The following FBXW8 variants were observed in gnomAD, a reference collection of about 807,000 sequenced individuals.
The protein encoded by FBXW8 is F-box and WD repeat domain containing 8.
FBXW8 carries 57 observed loss-of-function variants against 65.3 expected under a neutral mutation model. The ratio of observed to expected loss-of-function variants is 0.87; its 90% CI spans 0.71 to 1.09. The LOEUF (loss-of-function observed/expected upper bound fraction) is 1.09. Among genes scored for constraint, FBXW8 ranks in the 50% least tolerant of loss-of-function variants. The pLI is 0.00. For synonymous variants in FBXW8, 308 were observed against 330.2 expected (o/e 0.93, Z 0.73); for missense variants, 777 against 814.8 (o/e 0.95, Z 0.57).
At chr12:117,020,898 A>T (rs996727014) in intron 8 of FBXW8, among the ~76,000 whole-genome samples, 2 of 152,232 alleles carry the variant, frequency 1.3e-5, no homozygotes, top group African/African-American at 2.4e-5. Context: ...AACTGTCAAC[A>T]TGTTGTCTGA....
intron 1 of FBXW8, among the ~76,000 whole-genome samples, chr12:116,923,807 G>A (rs893124427): frequency 2.0e-5 from 3 of 152,062 alleles, no homozygotes; most frequent in Non-Finnish European, 4.4e-5. Flanking sequence ...TGCAAGCTCC[G>A]CCTCCCAAGT....
chr12:116,953,551 C>G lies in FBXW8; in HGVS notation c.677+3845C>G, dbSNP rs928615805. 2.6e-5 allele frequency among the ~76,000 whole-genome samples: 4 copies of G among 151,810 alleles called. No individual in the cohort carries two copies. The East Asian group carries it at 7.8e-4, about 30-fold the overall frequency. ...CTTTGGGAGGCCGAGGCGGGCGGAT[C>G]ACAAGGTCAGGAGATCGAGACCATC... On this transcript the variant is annotated intron_variant, in intron 4 of 10. Coordinates refer to ENST00000652555, the MANE Select transcript of FBXW8 (RefSeq NM_153348.3).
rs138020987 is a variant in FBXW8 at position 117,024,244 on chromosome 12, G to A, written c.1465G>A (p.Val489Ile). 1.2e-4 allele frequency: 196 copies of A among 1,614,088 alleles called. No homozygotes were observed. Among genetic ancestry groups the A allele is most frequent in the Non-Finnish European group, 1.6e-4 (187 of 1,180,048 alleles). Residue 489 changes from valine to isoleucine, a missense_variant, in exon 9 of 11, where the codon GTC (valine) becomes ATC (isoleucine). Coordinates refer to ENST00000652555, the MANE Select transcript of FBXW8 (RefSeq NM_153348.3). ...SAVQMDDWKI[V>I]SGGEEGLVSV... ...TGTGCAGATGGATGACTGGAAGATC[G>A]TCAGTGGAGGCGAGGAAGGCCTGGT...
intron 7 of FBXW8, among the ~76,000 whole-genome samples, chr12:117,000,219 G>A (rs1451732325): frequency 6.6e-6 from 1 of 152,036 alleles, no homozygotes; most frequent in Non-Finnish European, 1.5e-5. Context: ...CTCATGATCC[G>A]CCCACCTCGG....
intron 8 of FBXW8, among the ~76,000 whole-genome samples, chr12:117,023,339 C>T (rs976116054): frequency 6.6e-5 from 10 of 152,074 alleles, no homozygotes; most frequent in South Asian, 2.1e-4. Context: ...TTTTCCTTTT[C>T]GACTTGCATC....
intron 8 of FBXW8, among the ~76,000 whole-genome samples, chr12:117,015,350 G>A (rs567876357): frequency 7.9e-5 from 12 of 152,216 alleles, no homozygotes; most frequent in South Asian, 4.1e-4. Flanking sequence ...GCTGGCAGTC[G>A]GCAGGAGAGA....
chr12:116,997,170 G>C (rs545806624), intron 7 of FBXW8, among the ~76,000 whole-genome samples: 1 of 152,254 alleles, frequency 6.6e-6, no homozygotes, highest in Admixed American at 6.5e-5. Context: ...CAGAGCCCTA[G>C]AGTTTCTCAA....
intron 2 of FBXW8, among the ~76,000 whole-genome samples, chr12:116,939,881 C>T (rs1882435717): frequency 6.6e-6 from 1 of 152,184 alleles, no homozygotes; most frequent in Non-Finnish European, 1.5e-5. Flanking sequence ...CATGATTGCC[C>T]AGTGCTCAGA....
At chr12:117,020,983 C>T (rs1464614540) in intron 8 of FBXW8, among the ~76,000 whole-genome samples, 6 of 152,196 alleles carry the variant, frequency 3.9e-5, no homozygotes, top group South Asian at 2.1e-4. Flanking sequence ...GCTACCTCCT[C>T]GAAGTGGAAT....
intron 5 of FBXW8, among the ~76,000 whole-genome samples, chr12:116,968,681 C>T (rs1160023689): frequency 3.3e-5 from 5 of 152,180 alleles, no homozygotes; most frequent in Non-Finnish European, 4.4e-5. Flanking sequence ...ACCAGCAAGC[C>T]ATGAGAGTGT....
rs1338036684 is a variant in FBXW8, at chr12:116,936,727, A to T, written c.423+8600A>T. Among the ~76,000 whole-genome samples the T allele has an allele frequency of 6.6e-6, 1 of 152,202 alleles. No individual in the cohort carries two copies. Among genetic ancestry groups the T allele is most frequent in the Non-Finnish European group, 1.5e-5 (1 of 68,038 alleles). On this transcript the variant is annotated intron_variant, in intron 2 of 10. Coordinates refer to ENST00000652555, the MANE Select transcript of FBXW8 (RefSeq NM_153348.3). This position sits in a 1 kb window ranked among gnomAD's most constrained non-coding sequence, Gnocchi z 4.6. ...CGAATAAATCTGTATTGTTTTAAGC[A>T]GCTAAGTTTGTAGTAGTTTGTTAGC...
chr12:116,958,155 C>A lies in FBXW8; in HGVS notation c.678-6542C>A, dbSNP rs192599533. Among the ~76,000 whole-genome samples the A allele has an allele frequency of 4.7e-4, 71 of 152,344 alleles. 1 individual carries two copies. The highest frequency in any genetic ancestry group is 1.6e-3 in the African/African-American group (66 of 41,576). ...GTTCATTATTTTTCAATTGATGCGT[C>A]TTAAGCCCCACTTGATGTTTGTTGT... On this transcript the variant is annotated intron_variant, in intron 4 of 10. Transcript: ENST00000652555.
At chr12:117,024,607 C>A (rs1019012616) in intron 9 of FBXW8, among the ~76,000 whole-genome samples, 1 of 152,232 alleles carries the variant, frequency 6.6e-6, no homozygotes, top group African/African-American at 2.4e-5. Flanking sequence ...AAGAATGAAA[C>A]TACTTTTTTG....
chr12:117,007,405 T>TA (rs931694857), intron 7 of FBXW8, among the ~76,000 whole-genome samples: 14 of 152,236 alleles, frequency 9.2e-5, no homozygotes, highest in Non-Finnish European at 2.9e-5. Context: ...TTCCTATAGT[T>TA]ACCATTGTAA....
chr12:116,925,069 C>T (rs940120311), intron 1 of FBXW8, among the ~76,000 whole-genome samples: 3 of 150,902 alleles, frequency 2.0e-5, no homozygotes, highest in South Asian at 4.2e-4. Context: ...ATGTCTATCA[C>T]TTTGGTTAAA....
rs758199870 is a variant in FBXW8 at position 116,985,335 on chromosome 12, T to G, written c.965T>G (p.Val322Gly). 5 of 1,614,096 alleles carry G rather than the reference T, an allele frequency of 3.1e-6. No individual in the cohort carries two copies. The highest frequency in any genetic ancestry group is 4.2e-6 in the Non-Finnish European group (5 of 1,180,046). The change falls in exon 6 of 11, where the codon GTC (valine) becomes GGC (glycine). Residue 322 changes from valine to glycine, a missense_variant. Physicochemically the swap from Val to Gly is moderately radical, Grantham distance 109 (BLOSUM62 -3). Coordinates refer to ENST00000652555, the MANE Select transcript of FBXW8 (RefSeq NM_153348.3). ...ATVATASAFD[V>G]VMLSPNEEGY... is the part of the protein sequence containing the mutation. ...GTGGCCACAGCTTCTGCTTTTGATGTCGTGATGTTATCCCCCAATGAGGAG... is the reference window on the plus strand; with the variant it reads ...GTGGCCACAGCTTCTGCTTTTGATGGCGTGATGTTATCCCCCAATGAGGAG...
chr12:117,003,339 T>G (rs1336727841), intron 7 of FBXW8, among the ~76,000 whole-genome samples: 1 of 152,252 alleles, frequency 6.6e-6, no homozygotes, highest in African/African-American at 2.4e-5. Context: ...AAGGAGCTTC[T>G]GTTCCTTCCA....
Position 117,021,606 on chromosome 12 carries a change from G to A in FBXW8, c.1368-2541G>A, listed in dbSNP as rs548027874. On this transcript the variant is annotated intron_variant, in intron 8 of 10. Transcript: ENST00000652555. ...ATAGAGTATTTTGCCTCTAACTGCT[G>A]TTACAAATGGGACATTTTCTTTGAT... 9.2e-5 allele frequency among the ~76,000 whole-genome samples: 14 copies of A among 152,282 alleles called. No individual in the cohort carries two copies. The South Asian group carries it at 2.9e-3, about 32-fold the overall frequency.
intron 5 of FBXW8, among the ~76,000 whole-genome samples, chr12:116,977,097 T>A (rs1448579139): frequency 1.3e-5 from 2 of 152,216 alleles, no homozygotes; most frequent in Non-Finnish European, 2.9e-5. Flanking sequence ...CCAAGTGAGA[T>A]GTTAGGCTGT....
Sources: gnomAD v4.1 joint callset for allele counts (sites outside exome capture counted in the v4.1 genomes callset) on GRCh38, gnomAD v4.1.1 for gene constraint, Gnocchi (gnomAD v3.1) non-coding constraint, MANE v1.5 for transcripts, NCBI Gene and HGNC (gene_info 2026-07-23, HGNC 2026-07-21) for gene names.